The following ERBB4 variants were observed in gnomAD, a reference collection of about 807,000 sequenced individuals.
ERBB4 encodes the protein erb-b2 receptor tyrosine kinase 4, also known as receptor tyrosine-protein kinase erbB-4.
Under a neutral mutation model 158.0 loss-of-function variants are expected in ERBB4, and 42 were observed. The observed-to-expected ratio is 0.27, with a 90% CI of 0.21 to 0.34. ERBB4 has a LOEUF of 0.34. Among genes scored for constraint, ERBB4 ranks in the 10% least tolerant of loss-of-function variants. The pLI, the probability that ERBB4 is intolerant of heterozygous loss-of-function variation, is 1.00. For synonymous variants in ERBB4, 583 were observed against 558.7 expected (o/e 1.04, Z -0.61); for missense variants, 1,333 against 1,624.1 (o/e 0.82, Z 3.08).
intron 15 of ERBB4, 149 bp downstream of exon 15, chr2:211,665,174 T>C: frequency 1.2e-6 from 1 of 834,712 alleles, no homozygotes; most frequent in Non-Finnish European, 2.0e-6. Flanking sequence ...TAAATCATTC[T>C]CTCAGTATTT....
rs147693145 is a variant in ERBB4 at position 211,928,999 on chromosome 2, C to A, written c.421+18431G>T. ...ATTTAGTAGGAAAATATATATGTCT[C>A]CTAATAGTTTTAAATAATTAAATAC... On this transcript the variant is annotated intron_variant, in intron 3 of 27. Coordinates refer to ENST00000342788, the MANE Select transcript of ERBB4 (RefSeq NM_005235.3). 9.0e-3 allele frequency among the ~76,000 whole-genome samples: 1,369 copies of A among 152,138 alleles called. 46 individuals are homozygous for A. The highest frequency in any genetic ancestry group is 0.053 in the Admixed American group (813 of 15,264).
At chr2:212,174,946 C>A (rs961873033) in intron 1 of ERBB4, among the ~76,000 whole-genome samples, 6 of 152,002 alleles carry the variant, frequency 3.9e-5, no homozygotes, top group Non-Finnish European at 8.8e-5. Flanking sequence ...CTAATTCATC[C>A]CAAACTACAG....
chr2:211,657,970 G>A, intron 15 of ERBB4, 142 bp from the exon 16 acceptor site: 2 of 1,603,912 alleles, frequency 1.2e-6, no homozygotes, highest in Non-Finnish European at 1.7e-6. Context: ...GGCCGATGCA[G>A]TCTTCAATAC....
At chr2:212,474,078 T>C (rs890303369) in intron 1 of ERBB4, among the ~76,000 whole-genome samples, 10 of 152,110 alleles carry the variant, frequency 6.6e-5, no homozygotes, top group African/African-American at 1.7e-4. Flanking sequence ...ACGAACACTT[T>C]TTTCAGTTAT....
intron 25 of ERBB4, among the ~76,000 whole-genome samples, chr2:211,418,753 A>G (rs1176484499): frequency 6.6e-6 from 1 of 152,128 alleles, no homozygotes; most frequent in Non-Finnish European, 1.5e-5. Context: ...ATACAAGGGT[A>G]TATAATTTGA....
intron 1 of ERBB4, among the ~76,000 whole-genome samples, chr2:212,231,465 G>A (rs965608863): frequency 6.6e-6 from 1 of 152,144 alleles, no homozygotes; most frequent in Non-Finnish European, 1.5e-5. Flanking sequence ...TGCCCATGAA[G>A]GTGAGTGCCA....
intron 7 of ERBB4, among the ~76,000 whole-genome samples, chr2:211,721,534 C>T (rs1248116585): frequency 6.9e-6 from 1 of 144,882 alleles, no homozygotes; most frequent in Non-Finnish European, 1.5e-5. Context: ...CTTTTGAATC[C>T]TCAGGATGTT....
intron 1 of ERBB4, among the ~76,000 whole-genome samples, chr2:212,299,323 G>C (rs576885218): frequency 1.3e-5 from 2 of 151,580 alleles, no homozygotes; most frequent in Non-Finnish European, 3.0e-5. Flanking sequence ...TGGTATTAAT[G>C]CTGGCCAATC....
chr2:211,881,942 C>T (rs72933726), intron 3 of ERBB4, among the ~76,000 whole-genome samples: 9,658 of 152,162 alleles, frequency 0.063, 437 homozygotes, highest in Non-Finnish European at 0.089. Context: ...TTTTATTTCT[C>T]GACTTTCTGG....
chr2:212,313,216 C>T (rs1354102701), intron 1 of ERBB4, among the ~76,000 whole-genome samples: 1 of 150,638 alleles, frequency 6.6e-6, no homozygotes, highest in Non-Finnish European at 1.5e-5. Flanking sequence ...TTATTACTGA[C>T]ACAAATTAGA....
At chr2:212,522,333 A>G (rs1271490178) in intron 1 of ERBB4, among the ~76,000 whole-genome samples, 1 of 151,968 alleles carries the variant, frequency 6.6e-6, no homozygotes, top group Non-Finnish European at 1.5e-5. Context: ...TAAGTACTAG[A>G]TATTATGATT....
chr2:211,511,121 G>A (rs941016687), intron 20 of ERBB4, among the ~76,000 whole-genome samples: 5 of 151,930 alleles, frequency 3.3e-5, no homozygotes, highest in Non-Finnish European at 5.9e-5. Context: ...CAATGTATTA[G>A]TATATTAAAC....
chr2:212,446,974 A>G (rs1483540616), intron 1 of ERBB4, among the ~76,000 whole-genome samples: 1 of 150,454 alleles, frequency 6.6e-6, no homozygotes, highest in Non-Finnish European at 1.5e-5. Context: ...AGAAAAAAAT[A>G]CTAATTAATA....
At chr2:211,978,453 A>G (rs949857695) in intron 2 of ERBB4, among the ~76,000 whole-genome samples, 1 of 139,494 alleles carries the variant, frequency 7.2e-6, no homozygotes, top group South Asian at 2.2e-4. Context: ...TTAATGAGAC[A>G]GGGTTTCACT....
chr2:211,792,809 A>G (rs2076305127), intron 3 of ERBB4, among the ~76,000 whole-genome samples: 1 of 151,840 alleles, frequency 6.6e-6, no homozygotes, highest in Non-Finnish European at 1.5e-5. Context: ...CTTGATTTCC[A>G]TTTTCATGAG....
chr2:211,639,791 G>T (rs576474638), intron 16 of ERBB4, among the ~76,000 whole-genome samples: 1 of 152,080 alleles, frequency 6.6e-6, no homozygotes, highest in South Asian at 2.1e-4. Context: ...GCGCCATCTT[G>T]GCTCACTGCA....
intron 1 of ERBB4, among the ~76,000 whole-genome samples, chr2:212,370,502 A>C (rs1022113046): frequency 3.9e-5 from 6 of 152,164 alleles, no homozygotes; most frequent in African/African-American, 1.4e-4. Context: ...TGCCCCAAAC[A>C]TATTTTTATA....
At chr2:211,578,876 T>A (rs1442783762) in intron 19 of ERBB4, among the ~76,000 whole-genome samples, 1 of 152,088 alleles carries the variant, frequency 6.6e-6, no homozygotes, top group Non-Finnish European at 1.5e-5. Context: ...GGCAATACCA[T>A]TCAGGACATA....
In ERBB4 at chr2:212,403,967, T is replaced by A. The variant is rs542340935; in HGVS notation, c.82+134482A>T. 3.9e-5 allele frequency among the ~76,000 whole-genome samples: 6 copies of A among 152,140 alleles called. No individual in the cohort carries two copies. The South Asian group carries it at 8.3e-4, about 21-fold the overall frequency. The stretch of plus-strand genomic sequence containing the variant: ...TCTCTGATACTTGCTCCTGACATCT[T>A]CCTGAAGTTTAAGAAGGCAGGTAAA... On this transcript the variant is annotated intron_variant, in intron 1 of 27. Coordinates refer to ENST00000342788, the MANE Select transcript of ERBB4 (RefSeq NM_005235.3).
Sources: gnomAD v4.1 joint callset for allele counts (sites outside exome capture counted in the v4.1 genomes callset) on GRCh38, gnomAD v4.1.1 for gene constraint, MANE v1.5 for transcripts, NCBI Gene and HGNC (gene_info 2026-07-23, HGNC 2026-07-21) for gene names.